SAMSN1: variants seen among roughly 807,000 people sequenced by gnomAD.
SAMSN1 encodes SAM domain-containing protein SAMSN-1.
In SAMSN1, 31 loss-of-function variants were observed where a neutral mutation model predicts 42.0. That is an observed-to-expected ratio of 0.74 (90% CI 0.55 to 1.00). SAMSN1 has a LOEUF of 1.00. Ranked by LOEUF, SAMSN1 falls within the 50% of genes least tolerant of loss-of-function variation. SAMSN1 has a pLI of 0.00. For synonymous variants in SAMSN1, 178 were observed against 151.9 expected (o/e 1.17, Z -1.26); for missense variants, 464 against 439.4 (o/e 1.06, Z -0.50).
Position 14,512,424 on chromosome 21 carries a change from C to G in SAMSN1, c.409+20G>C, listed in dbSNP as rs2122988416. On this transcript the variant is annotated intron_variant, in intron 4 of 7. Transcript: ENST00000400566. Reference sequence around the variant, plus strand: ...CCAGACCTCACACCCAGGATCTTGTCCCTGATTCATTAGCCTTACTTGATG... The same window carrying G: ...CCAGACCTCACACCCAGGATCTTGTGCCTGATTCATTAGCCTTACTTGATG... 1 of 1,612,142 alleles carries G rather than the reference C, an allele frequency of 6.2e-7. No individual in the cohort carries two copies.
intron 2 of SAMSN1, among the ~76,000 whole-genome samples, chr21:14,553,600 A>G (rs1196652999): frequency 2.0e-5 from 3 of 152,154 alleles, no homozygotes. Context: ...TTGCAGAAAC[A>G]TATCTCCTTA....
At chr21:14,511,906 G>C (rs1020087100) in intron 4 of SAMSN1, among the ~76,000 whole-genome samples, 4 of 152,058 alleles carry the variant, frequency 2.6e-5, no homozygotes, top group African/African-American at 9.7e-5. Context: ...ACTGATTAAT[G>C]CTGGGTTAAG....
At chr21:14,574,358 T>C (rs1487722681) in intron 2 of SAMSN1, among the ~76,000 whole-genome samples, 1 of 152,212 alleles carries the variant, frequency 6.6e-6, no homozygotes, top group African/African-American at 2.4e-5. Context: ...ATGATAACTT[T>C]AGGAAGATTT....
chr21:14,530,188 G>A (rs987763983), intron 1 of SAMSN1, among the ~76,000 whole-genome samples: 2 of 151,874 alleles, frequency 1.3e-5, no homozygotes, highest in Admixed American at 6.6e-5. Flanking sequence ...GTGGTGGCGG[G>A]TGCCTGTAGT....
chr21:14,633,592 T>G (rs920633260), intron 2 of SAMSN1, among the ~76,000 whole-genome samples: 2 of 152,244 alleles, frequency 1.3e-5, no homozygotes, highest in African/African-American at 2.4e-5. Flanking sequence ...TGGAGAATTA[T>G]GCCTGGTGGC....
chr21:14,574,110 C>T (rs1393314167), intron 2 of SAMSN1, among the ~76,000 whole-genome samples: 1 of 152,118 alleles, frequency 6.6e-6, no homozygotes, highest in Non-Finnish European at 1.5e-5. Context: ...TGGTGATTTG[C>T]TTCCTTCTGT....
chr21:14,562,440 A>G (rs1223947288), intron 2 of SAMSN1, among the ~76,000 whole-genome samples: 1 of 152,000 alleles, frequency 6.6e-6, no homozygotes, highest in Non-Finnish European at 1.5e-5. Flanking sequence ...AAAGAAAGAG[A>G]CATGCTTTGA....
rs999232054 is a variant in SAMSN1 at position 14,506,373 on chromosome 21, C to T, written c.561+3937G>A. On this transcript the variant is annotated intron_variant, in intron 5 of 7. Transcript: ENST00000400566. ...AAATGAAACGGGGTATTACAACTGACACTACAGAAATACAAAAGATCATTC... is the reference window on the plus strand; with the variant it reads ...AAATGAAACGGGGTATTACAACTGATACTACAGAAATACAAAAGATCATTC... 3.9e-5 allele frequency among the ~76,000 whole-genome samples: 6 copies of T among 152,144 alleles called. No individual in the cohort carries two copies. The South Asian group carries it at 8.3e-4, about 21-fold the overall frequency.
At chr21:14,498,991 T>A (rs1203380018) in intron 6 of SAMSN1, among the ~76,000 whole-genome samples, 1 of 152,214 alleles carries the variant, frequency 6.6e-6, no homozygotes, top group Non-Finnish European at 1.5e-5. Context: ...TATTTCAGAA[T>A]CTACATCTCT....
intron 1 of SAMSN1, among the ~76,000 whole-genome samples, chr21:14,536,646 G>T (rs904992038): frequency 2.8e-4 from 42 of 152,190 alleles, no homozygotes; most frequent in Admixed American, 1.3e-3. Context: ...GGTGCACTAC[G>T]AATTAAAATA....
intron 2 of SAMSN1, among the ~76,000 whole-genome samples, chr21:14,565,817 G>T (rs1354335127): frequency 6.6e-6 from 1 of 152,066 alleles, no homozygotes; most frequent in Non-Finnish European, 1.5e-5. Context: ...TACAATGCTA[G>T]CCACAATAAA....
At chr21:14,564,937 GA>G (rs1391574939) in intron 2 of SAMSN1, among the ~76,000 whole-genome samples, 2 of 152,076 alleles carry the variant, frequency 1.3e-5, no homozygotes, top group African/African-American at 4.8e-5. Flanking sequence ...AGAAGCAACT[GA>G]AATTGAGCAG....
chr21:14,507,711 T>C (rs1320057397), intron 5 of SAMSN1, among the ~76,000 whole-genome samples: 3 of 152,048 alleles, frequency 2.0e-5, no homozygotes, highest in African/African-American at 4.8e-5. Flanking sequence ...CTAAAATTCA[T>C]ATGGAACCAA....
chr21:14,632,108 A>G (rs1158785456), intron 2 of SAMSN1, among the ~76,000 whole-genome samples: 1 of 152,210 alleles, frequency 6.6e-6, no homozygotes, highest in Non-Finnish European at 1.5e-5. Context: ...GTGTGCATCT[A>G]TTTTTAATGT....
intron 7 of SAMSN1, among the ~76,000 whole-genome samples, chr21:14,488,121 A>G (rs184462741): frequency 2.0e-5 from 3 of 152,192 alleles, no homozygotes; most frequent in Non-Finnish European, 2.9e-5. Context: ...TCTGTGTTCC[A>G]TTATCCAAGT....
chr21:14,505,095 T>A (rs888002089), intron 5 of SAMSN1, among the ~76,000 whole-genome samples: 2 of 152,050 alleles, frequency 1.3e-5, no homozygotes, highest in African/African-American at 4.8e-5. Flanking sequence ...CTCTAAATCT[T>A]CAAACAAATC....
rs1987115017 is a variant in SAMSN1, at chr21:14,500,673, G to T, written c.624C>A (p.Asn208Lys). 1.9e-6 allele frequency: 3 copies of T among 1,613,802 alleles called. No individual in the cohort carries two copies. The highest frequency in any genetic ancestry group is 2.2e-5 in the East Asian group (1 of 44,884). Reference protein sequence around the residue: ...TPMGMWTGMLNNKVGNFKFIY... With the variant: ...TPMGMWTGMLKNKVGNFKFIY... ...TGAATTTGAAGTTTCCCACTTTATT[G>T]TTCAACATTCCTGTCCACATCCCCA... Residue 208 changes from asparagine (N) to lysine (K), a missense_variant, in exon 6 of 8, where the codon AAC (asparagine) becomes AAA (lysine). Physicochemically the swap from Asn to Lys is moderately conservative, Grantham distance 94 (BLOSUM62 0). Transcript: ENST00000400566.
At chr21:14,552,718 T>C (rs527299460) in intron 2 of SAMSN1, among the ~76,000 whole-genome samples, 1 of 152,256 alleles carries the variant, frequency 6.6e-6, no homozygotes, top group African/African-American at 2.4e-5. Flanking sequence ...AAGGCATCTG[T>C]CCGTAAAGTT....
At chr21:14,536,868 T>G (rs1979656792) in intron 1 of SAMSN1, among the ~76,000 whole-genome samples, 2 of 152,198 alleles carry the variant, frequency 1.3e-5, no homozygotes, top group Admixed American at 6.5e-5. Flanking sequence ...AAGTTACCTA[T>G]AAACATCCAA....
Sources: allele counts gnomAD v4.1 joint callset (sites outside exome capture counted in the v4.1 genomes callset), GRCh38; gene constraint gnomAD v4.1.1; transcripts MANE v1.5; gene names NCBI Gene and HGNC (gene_info 2026-07-23, HGNC 2026-07-21).